Variants in ATP2C1 observed in about 807,000 individuals in gnomAD.
ATP2C1 encodes calcium-transporting ATPase type 2C member 1.
ATP2C1 carries 31 observed loss-of-function variants against 120.5 expected under a neutral mutation model. That is an observed-to-expected ratio of 0.26 (90% confidence interval 0.19 to 0.35). The LOEUF (loss-of-function observed/expected upper bound fraction) is 0.35, where lower values mean the gene tolerates loss of function less well. Ranked by LOEUF, ATP2C1 falls within the 10% of genes least tolerant of loss-of-function variation. ATP2C1 has a pLI of 1.00. For synonymous variants in ATP2C1, 351 were observed against 358.7 expected, an observed-to-expected ratio of 0.98 and a Z score of 0.24; for missense variants, 731 against 1,107.5, an observed-to-expected ratio of 0.66 and a Z score of 4.83.
Position 130,955,944 on chromosome 3 carries a change from T to G in ATP2C1, c.757-160T>G, listed in dbSNP as rs964769939. 4.9e-6 allele frequency: 3 copies of G among 606,846 alleles called. No individual in the cohort carries two copies. In the African/African-American group the frequency reaches 5.6e-5, roughly 11 times the overall value. The allele number at this position is 606,846 out of a possible 1,614,324, so 37.6% of individuals were successfully genotyped here. On this transcript the variant is annotated intron_variant, in intron 10 of 27. Transcript: ENST00000510168. ...GTGACCTTGGGCATTGTGTAAAATC[T>G]AAGTCTCAGTTTTCTCAGTGAAGGT...
At chr3:130,903,445 C>A (rs2057960995) in intron 2 of ATP2C1, among the ~76,000 whole-genome samples, 2 of 152,060 alleles carry the variant, frequency 1.3e-5, no homozygotes, top group South Asian at 4.2e-4. Context: ...TCTGGAAGCA[C>A]AGGGTGTTAA....
intron 2 of ATP2C1, among the ~76,000 whole-genome samples, chr3:130,909,771 A>G (rs1576668235): frequency 1.3e-5 from 2 of 152,178 alleles, no homozygotes; most frequent in African/African-American, 4.8e-5. Context: ...AACTTAACCC[A>G]TGTGTTTGTC....
intron 20 of ATP2C1, among the ~76,000 whole-genome samples, chr3:130,987,609 G>C (rs1276626013): frequency 6.6e-6 from 1 of 152,238 alleles, no homozygotes; most frequent in Non-Finnish European, 1.5e-5. Flanking sequence ...GGGATTACAG[G>C]CATAAGCCAC....
At chr3:130,930,990 A>G (rs2059424654) in intron 3 of ATP2C1, among the ~76,000 whole-genome samples, 1 of 152,158 alleles carries the variant, frequency 6.6e-6, no homozygotes, top group South Asian at 2.1e-4. Flanking sequence ...AGAATTGCAG[A>G]TAATCTGTAA....
intron 26 of ATP2C1, among the ~76,000 whole-genome samples, chr3:130,998,877 T>C (rs1307009957): frequency 6.6e-6 from 1 of 152,196 alleles, no homozygotes; most frequent in Non-Finnish European, 1.5e-5. Context: ...TGCTGCTTCT[T>C]GGTCTAAGTG....
chr3:131,005,166 A>G (rs34575763), downstream of ATP2C1, among the ~76,000 whole-genome samples: 24,211 of 129,122 alleles, frequency 0.19, 2,155 homozygotes, highest in Middle Eastern at 0.32. Flanking sequence ...CCCAGGTTGG[A>G]GTACAGTGGT....
At chr3:130,883,984 C>T (rs1405679017) in intron 1 of ATP2C1, among the ~76,000 whole-genome samples, 2 of 144,548 alleles carry the variant, frequency 1.4e-5, no homozygotes, top group South Asian at 2.2e-4. Flanking sequence ...CTCTGTCACC[C>T]AGGCTGGACT....
chr3:130,892,682 C>T (rs367932477), upstream of ATP2C1, among the ~76,000 whole-genome samples: 1 of 149,376 alleles, frequency 6.7e-6, no homozygotes, highest in African/African-American at 2.5e-5. Context: ...ACTGACCATG[C>T]ATGCCAGAGG....
At chr3:130,950,876 TA>T (rs34848553) in intron 8 of ATP2C1, among the ~76,000 whole-genome samples, 70,284 of 150,498 alleles carry the variant, frequency 0.47, 18,537 homozygotes, top group Middle Eastern at 0.64. Flanking sequence ...AACAACAGAT[TA>T]AAAAAAAAAA....
chr3:130,944,144 T>G (rs918631957), intron 8 of ATP2C1, among the ~76,000 whole-genome samples: 18 of 152,244 alleles, frequency 1.2e-4, no homozygotes, highest in Non-Finnish European at 2.4e-4. Flanking sequence ...TAGTTAGTTC[T>G]CTTACAGACT....
downstream of ATP2C1, among the ~76,000 whole-genome samples, chr3:131,007,682 A>G (rs566460296): frequency 6.6e-6 from 1 of 152,330 alleles, no homozygotes; most frequent in South Asian, 2.1e-4. Flanking sequence ...TTTCTATTAA[A>G]GTTTTCTCTG....
At position 130,894,087 on chromosome 3, in the gene ATP2C1, C is replaced by T. The variant is rs930013646; in HGVS notation, c.-431C>T. The T allele has an allele frequency of 1.0e-6, 1 of 978,388 alleles. No homozygotes were observed. The highest frequency in any genetic ancestry group is 1.2e-6 in the Non-Finnish European group (1 of 823,618). The allele number at this position is 978,388 out of a possible 1,614,324, so 60.6% of individuals were successfully genotyped here. On this transcript the variant is annotated 5_prime_UTR_variant, in exon 1 of 28. Transcript: ENST00000510168. The surrounding 1 kb of genome is among the most constrained non-coding windows in gnomAD (Gnocchi z 4.5). ...CGCAGGAGTCGGAGGCGGGAGCAGA[C>T]CAGCACGGCCTCGCGGAGCCGGCCC...
intron 2 of ATP2C1, among the ~76,000 whole-genome samples, chr3:130,906,626 T>G (rs1220352067): frequency 6.6e-6 from 1 of 151,824 alleles, no homozygotes; most frequent in Non-Finnish European, 1.5e-5. Flanking sequence ...TAGCAGTGTA[T>G]GAGGCTTTCT....
At chr3:130,897,382 C>G (rs852219) in intron 2 of ATP2C1, among the ~76,000 whole-genome samples, 1 of 152,000 alleles carries the variant, frequency 6.6e-6, no homozygotes, top group Non-Finnish European at 1.5e-5. Context: ...TTCTCAGCCT[C>G]TAAGTTATCT....
chr3:130,856,965 C>G (rs2067861824), intron 1 of ATP2C1, among the ~76,000 whole-genome samples: 1 of 152,144 alleles, frequency 6.6e-6, no homozygotes, highest in Non-Finnish European at 1.5e-5. Context: ...AAAATTGTAA[C>G]TTTGGGCACA....
rs1369995699 is a variant in ATP2C1, at chr3:130,894,745, A to G, written c.-25A>G. 1.2e-6 allele frequency: 2 copies of G among 1,614,204 alleles called. No individual in the cohort carries two copies. Among genetic ancestry groups the G allele is most frequent in the Non-Finnish European group, 1.7e-6 (2 of 1,180,030 alleles). ...TGACACTAAAGACTTTGTAGCCATC[A>G]ACCCGAGTGCAGTTTCGATGGAAAA... On this transcript the variant is annotated 5_prime_UTR_variant, in exon 2 of 28. Coordinates refer to ENST00000510168, the MANE Select transcript of ATP2C1 (RefSeq NM_001378687.1). This position sits in a 1 kb window ranked among gnomAD's most constrained non-coding sequence, Gnocchi z 4.5.
At chr3:130,979,528 T>A in intron 19 of ATP2C1, 109 bp downstream of exon 19, 4 of 1,220,118 alleles carry the variant, frequency 3.3e-6, no homozygotes, top group Admixed American at 2.0e-5. Context: ...ATTGAGATTA[T>A]GCAATTGAAA....
chr3:130,923,439 G>C (rs1031376598), intron 2 of ATP2C1, among the ~76,000 whole-genome samples: 1 of 151,872 alleles, frequency 6.6e-6, no homozygotes, highest in African/African-American at 2.4e-5. Context: ...TGCTGGTCTC[G>C]AACTCCTGCC....
chr3:130,940,611 C>CT lies in ATP2C1; in HGVS notation c.361-11dup, dbSNP rs761930755. On this transcript the variant is annotated intron_variant, in intron 6 of 27. Transcript: ENST00000510168. ...TTCATGGGAGCAAAATTAAATTCTA[C>CT]TTTTTTTTGTTTGAATAGGAATATC... The CT allele has an allele frequency of 1.2e-4, 191 of 1,555,078 alleles. No homozygotes were observed. Among genetic ancestry groups the CT allele is most frequent in the African/African-American group, 1.6e-4 (12 of 73,666 alleles).
Sources: gnomAD v4.1 joint callset for allele counts (sites outside exome capture counted in the v4.1 genomes callset) on GRCh38, gnomAD v4.1.1 for gene constraint, Gnocchi (gnomAD v3.1) non-coding constraint, MANE v1.5 for transcripts, NCBI Gene and HGNC (gene_info 2026-07-23, HGNC 2026-07-21) for gene names.